Variants in GRXCR1 observed in about 807,000 individuals in gnomAD.
The protein encoded by GRXCR1 is glutaredoxin domain-containing cysteine-rich protein 1.
Under a neutral mutation model 27.3 loss-of-function variants are expected in GRXCR1, and 27 were observed. The observed-to-expected ratio is 0.99, with a 90% CI of 0.73 to 1.37. The LOEUF is 1.37. Among genes scored for constraint, GRXCR1 ranks in the 40% most tolerant of loss-of-function variants. The pLI, the probability that GRXCR1 is intolerant of heterozygous loss-of-function variation, is 0.00. For missense variants in GRXCR1, 379 were observed against 354.4 expected, an observed-to-expected ratio of 1.07 and a Z score of -0.56; for synonymous variants, 122 against 131.1, an observed-to-expected ratio of 0.93 and a Z score of 0.47.
chr4:42,949,079 G>A (rs1747815258), intron 1 of GRXCR1, among the ~76,000 whole-genome samples: 1 of 152,106 alleles, frequency 6.6e-6, no homozygotes. Context: ...CTCTGGGCCA[G>A]GCCCGGTGGC....
intron 1 of GRXCR1, among the ~76,000 whole-genome samples, chr4:42,921,793 C>A (rs1747017197): frequency 6.6e-6 from 1 of 152,054 alleles, no homozygotes; most frequent in Non-Finnish European, 1.5e-5. Context: ...CTTTTCTTTT[C>A]TCTATTGCTG....
chr4:42,989,346 T>A (rs950357814), intron 2 of GRXCR1, among the ~76,000 whole-genome samples: 1 of 152,168 alleles, frequency 6.6e-6, no homozygotes, highest in East Asian at 1.9e-4. Context: ...ATATGGACAC[T>A]AATCCTATTG....
chr4:42,939,719 A>G (rs905144365), intron 1 of GRXCR1, among the ~76,000 whole-genome samples: 1 of 152,082 alleles, frequency 6.6e-6, no homozygotes, highest in African/African-American at 2.4e-5. Context: ...ATTGTACTGG[A>G]GTCCAGATAG....
chr4:42,946,824 G>A (rs1036777787), intron 1 of GRXCR1, among the ~76,000 whole-genome samples: 2 of 152,090 alleles, frequency 1.3e-5, no homozygotes, highest in African/African-American at 4.8e-5. Flanking sequence ...ATTTTTAGGG[G>A]ACACAGTCAT....
intron 2 of GRXCR1, among the ~76,000 whole-genome samples, chr4:42,999,022 G>T (rs986648895): frequency 6.6e-6 from 1 of 152,140 alleles, no homozygotes; most frequent in African/African-American, 2.4e-5. Flanking sequence ...CTTCATAGGT[G>T]CACAATCCAG....
intron 2 of GRXCR1, among the ~76,000 whole-genome samples, chr4:43,002,052 T>A (rs1712383361): frequency 6.6e-6 from 1 of 152,222 alleles, no homozygotes; most frequent in Non-Finnish European, 1.5e-5. Context: ...CCTCCCACCA[T>A]AGGGCGGTTT....
At chr4:42,943,834 T>C (rs1239204509) in intron 1 of GRXCR1, among the ~76,000 whole-genome samples, 1 of 152,088 alleles carries the variant, frequency 6.6e-6, no homozygotes, top group Admixed American at 6.6e-5. Flanking sequence ...GGTTTTTACA[T>C]CTTGGGGGTT....
intron 1 of GRXCR1, among the ~76,000 whole-genome samples, chr4:42,908,725 T>G (rs1746652193): frequency 6.6e-6 from 1 of 152,062 alleles, no homozygotes. Flanking sequence ...CAAGGAATGG[T>G]GGTGAGCGGA....
Position 42,892,838 on chromosome 4 carries a change from C to T in GRXCR1, c.-429C>T, listed in dbSNP as rs1746264031. 1.3e-5 allele frequency among the ~76,000 whole-genome samples: 2 copies of T among 152,116 alleles called. No homozygotes were observed. Among genetic ancestry groups the T allele is most frequent in the Admixed American group, 1.3e-4 (2 of 15,254 alleles). ...CCTACAAACTTGGTTCCACATTTTA[C>T]CTCTAACCTCTGGTTTGGACAATGA... On this transcript the variant is annotated 5_prime_UTR_variant, in exon 1 of 4. Transcript: ENST00000399770.
chr4:42,908,732 C>T (rs570510640), intron 1 of GRXCR1, among the ~76,000 whole-genome samples: 2 of 151,920 alleles, frequency 1.3e-5, no homozygotes, highest in Non-Finnish European at 2.9e-5. Context: ...TGGTGGTGAG[C>T]GGAGAAAAAA....
chr4:42,991,904 C>T (rs1259408019), intron 2 of GRXCR1, among the ~76,000 whole-genome samples: 1 of 152,100 alleles, frequency 6.6e-6, no homozygotes, highest in Non-Finnish European at 1.5e-5. Flanking sequence ...TCTACAAGAA[C>T]AAGTGTTGTT....
chr4:43,002,588 A>G (rs965226201), intron 2 of GRXCR1, among the ~76,000 whole-genome samples: 1 of 152,182 alleles, frequency 6.6e-6, no homozygotes, highest in African/African-American at 2.4e-5. Flanking sequence ...GGTCTTTTTC[A>G]AAATGGAGTC....
intron 1 of GRXCR1, among the ~76,000 whole-genome samples, chr4:42,894,792 T>C (rs933476465): frequency 6.6e-6 from 1 of 152,098 alleles, no homozygotes; most frequent in African/African-American, 2.4e-5. Context: ...TTCTACTAGG[T>C]TGGCAACAAT....
intron 1 of GRXCR1, among the ~76,000 whole-genome samples, chr4:42,947,214 G>C (rs1747763662): frequency 6.6e-6 from 1 of 152,070 alleles, no homozygotes; most frequent in African/African-American, 2.4e-5. Context: ...AGAGGATGAG[G>C]TGGTCAGTGG....
intron 1 of GRXCR1, among the ~76,000 whole-genome samples, chr4:42,903,364 T>C (rs1318455930): frequency 1.6e-5 from 2 of 125,936 alleles, no homozygotes; most frequent in African/African-American, 2.9e-5. Flanking sequence ...CAGGCTGGAG[T>C]GCAGTGGCAT....
At chr4:42,998,876 A>T (rs565880180) in intron 2 of GRXCR1, among the ~76,000 whole-genome samples, 1 of 152,232 alleles carries the variant, frequency 6.6e-6, no homozygotes, top group African/African-American at 2.4e-5. Flanking sequence ...TTAAAAAATG[A>T]TTGGCAAATT....
chr4:42,894,522 T>A (rs951273923), intron 1 of GRXCR1, among the ~76,000 whole-genome samples: 1 of 152,110 alleles, frequency 6.6e-6, no homozygotes, highest in Admixed American at 6.6e-5. Context: ...AATAAAATGA[T>A]CTCTTGTGAT....
intron 2 of GRXCR1, among the ~76,000 whole-genome samples, chr4:43,008,752 CCCT>C: frequency 6.6e-6 from 1 of 152,112 alleles, no homozygotes; most frequent in Non-Finnish European, 1.5e-5. Context: ...TGAATTCTGA[CCCT>C]GCCAACTGTT....
chr4:42,900,139 A>T (rs1249821955), intron 1 of GRXCR1, among the ~76,000 whole-genome samples: 1 of 152,182 alleles, frequency 6.6e-6, no homozygotes, highest in African/African-American at 2.4e-5. Flanking sequence ...TTTGTATAAA[A>T]GTAATATAAA....
Sources: allele counts gnomAD v4.1 joint callset (sites outside exome capture counted in the v4.1 genomes callset), GRCh38; gene constraint gnomAD v4.1.1; transcripts MANE v1.5; gene names NCBI Gene and HGNC (gene_info 2026-07-23, HGNC 2026-07-21).